Variants in KIF6 observed in about 807,000 individuals in gnomAD.
KIF6 encodes the protein kinesin family member 6.
A neutral mutation model predicts 112.7 loss-of-function variants in KIF6; 106 were observed. The observed-to-expected ratio is 0.94, with a 90% CI of 0.80 to 1.11. KIF6 has a LOEUF of 1.11. Ranked by LOEUF, KIF6 falls within the 50% of genes least tolerant of loss-of-function variation. The pLI, the probability that KIF6 is intolerant of heterozygous loss-of-function variation, is 0.00. For missense variants in KIF6, 929 were observed against 964.0 expected, an observed-to-expected ratio of 0.96 and a Z score of 0.48; for synonymous variants, 339 against 339.9, an observed-to-expected ratio of 1.00 and a Z score of 0.03.
At chr6:39,660,232 AG>A in intron 3 of KIF6, among the ~76,000 whole-genome samples, 1 of 152,348 alleles carries the variant, frequency 6.6e-6, no homozygotes, top group Non-Finnish European at 1.5e-5. Context: ...ATGCATTCAT[AG>A]CAAAAGACAT....
At chr6:39,391,684 C>A (rs1354039936) in intron 15 of KIF6, among the ~76,000 whole-genome samples, 1 of 152,076 alleles carries the variant, frequency 6.6e-6, no homozygotes. Context: ...AGCAAAATGC[C>A]AAAATATATG....
chr6:39,437,438 G>T (rs1276795045), intron 13 of KIF6, among the ~76,000 whole-genome samples: 1 of 152,082 alleles, frequency 6.6e-6, no homozygotes, highest in Non-Finnish European at 1.5e-5. Context: ...TAGCATATTT[G>T]GCACACAAAA....
At chr6:39,462,997 G>A (rs556204755) in intron 13 of KIF6, among the ~76,000 whole-genome samples, 17 of 152,198 alleles carry the variant, frequency 1.1e-4, no homozygotes, top group East Asian at 5.8e-4. Flanking sequence ...ATATTAACAC[G>A]TCAAATAGAA....
At chr6:39,613,814 A>G (rs1783351603) in intron 5 of KIF6, among the ~76,000 whole-genome samples, 1 of 152,166 alleles carries the variant, frequency 6.6e-6, no homozygotes, top group African/African-American at 2.4e-5. Context: ...TCCTTCTAGG[A>G]GTTATTCCCC....
At chr6:39,588,704 C>G (rs980895419) in intron 7 of KIF6, among the ~76,000 whole-genome samples, 2 of 152,126 alleles carry the variant, frequency 1.3e-5, no homozygotes, top group Non-Finnish European at 2.9e-5. Context: ...TATTAAGGCC[C>G]CAACATCAAC....
At chr6:39,581,161 C>CTTTTTTT (rs60321520) in intron 9 of KIF6, among the ~76,000 whole-genome samples, 30 of 78,670 alleles carry the variant, frequency 3.8e-4, no homozygotes, top group African/African-American at 1.2e-3. Flanking sequence ...GCTTTACTTT[C>CTTTTTTT]TTTTTTTTTT....
chr6:39,638,301 ATGC>A (rs1784730699), intron 4 of KIF6, among the ~76,000 whole-genome samples: 1 of 152,098 alleles, frequency 6.6e-6, no homozygotes, highest in South Asian at 2.1e-4. Flanking sequence ...CCAAGGCCAC[ATGC>A]TGTAAGCAGT....
chr6:39,399,157 ATCTC>A (rs1327835126), intron 15 of KIF6, among the ~76,000 whole-genome samples: 2 of 151,934 alleles, frequency 1.3e-5, no homozygotes, highest in East Asian at 3.9e-4. Flanking sequence ...CTCAAAATAA[ATCTC>A]TCTCTCTCTG....
chr6:39,667,550 C>G (rs1445097406), intron 3 of KIF6, among the ~76,000 whole-genome samples: 1 of 152,160 alleles, frequency 6.6e-6, no homozygotes, highest in Non-Finnish European at 1.5e-5. Flanking sequence ...TACCAGCTTT[C>G]TAGATATTCC....
chr6:39,401,954 T>C (rs1167580763), intron 15 of KIF6, among the ~76,000 whole-genome samples: 2 of 152,212 alleles, frequency 1.3e-5, no homozygotes, highest in Non-Finnish European at 2.9e-5. Flanking sequence ...TGATTTCTTA[T>C]AGGCCTGGCT....
intron 6 of KIF6, among the ~76,000 whole-genome samples, chr6:39,609,257 A>G (rs1438429766): frequency 6.6e-6 from 1 of 152,160 alleles, no homozygotes; most frequent in African/African-American, 2.4e-5. Context: ...GCCAGGCGGA[A>G]AGAAAGCAAG....
At chr6:39,573,511 G>A (rs899389068) in intron 10 of KIF6, among the ~76,000 whole-genome samples, 1 of 152,190 alleles carries the variant, frequency 6.6e-6, no homozygotes, top group African/African-American at 2.4e-5. Context: ...ACTGTCAGTT[G>A]TGAACGAGTG....
At chr6:39,529,796 A>G (rs1777939910) in intron 13 of KIF6, among the ~76,000 whole-genome samples, 1 of 152,150 alleles carries the variant, frequency 6.6e-6, no homozygotes, top group Non-Finnish European at 1.5e-5. Context: ...CAAAAAAAAA[A>G]GGGTGACCTG....
In KIF6 at chr6:39,662,923, T is replaced by A. The variant is rs376503917; in HGVS notation, c.252-23166A>T. Among the ~76,000 whole-genome samples the A allele has an allele frequency of 6.4e-4, 97 of 151,854 alleles. 1 individual carries two copies. The East Asian group carries it at 8.5e-3, about 13-fold the overall frequency. On this transcript the variant is annotated intron_variant, in intron 3 of 22. Transcript: ENST00000287152. ...CTTTTCTCTCTCTCTTTTTTTTTTTTATAGGGTCTTGCCCAGGCTGGAGTG... is the reference window on the plus strand; with the variant it reads ...CTTTTCTCTCTCTCTTTTTTTTTTTAATAGGGTCTTGCCCAGGCTGGAGTG...
rs111292301 is a variant in KIF6 at position 39,496,630 on chromosome 6, G to A, written c.1645+43373C>T. Among the ~76,000 whole-genome samples the A allele has an allele frequency of 2.0e-3, 299 of 152,244 alleles. 1 individual carries two copies. Among genetic ancestry groups the A allele is most frequent in the African/African-American group, 7.0e-3 (290 of 41,546 alleles). The stretch of plus-strand genomic sequence containing the variant: ...TAGGGTAAGGGTCATCTATTTTTAT[G>A]AGAAAATCTTGTTTACAGGGAAATC... On this transcript the variant is annotated intron_variant, in intron 13 of 22. Transcript: ENST00000287152.
At chr6:39,406,144 C>G (rs1032558469) in intron 15 of KIF6, among the ~76,000 whole-genome samples, 1 of 152,182 alleles carries the variant, frequency 6.6e-6, no homozygotes, top group South Asian at 2.1e-4. Context: ...CTCAGCTTCC[C>G]GAGTAGCTGG....
intron 22 of KIF6, among the ~76,000 whole-genome samples, chr6:39,340,294 T>C (rs1325605832): frequency 2.0e-5 from 3 of 152,212 alleles, no homozygotes; most frequent in Non-Finnish European, 4.4e-5. Flanking sequence ...CAGGCTGCTG[T>C]TTATTTGGAG....
intron 10 of KIF6, among the ~76,000 whole-genome samples, chr6:39,569,005 C>A (rs554800803): frequency 2.8e-4 from 42 of 152,260 alleles, no homozygotes; most frequent in African/African-American, 1.0e-3. Context: ...GTCTACTTCT[C>A]ATCTTTGAGG....
intron 4 of KIF6, among the ~76,000 whole-genome samples, chr6:39,637,449 A>G (rs1182436028): frequency 6.6e-6 from 1 of 152,030 alleles, no homozygotes; most frequent in Non-Finnish European, 1.5e-5. Context: ...TGAAACTCAC[A>G]ATACCAAAAA....
Sources: gnomAD v4.1 joint callset for allele counts (sites outside exome capture counted in the v4.1 genomes callset) on GRCh38, gnomAD v4.1.1 for gene constraint, MANE v1.5 for transcripts, NCBI Gene and HGNC (gene_info 2026-07-23, HGNC 2026-07-21) for gene names.